The following ETNK2 variants were observed in gnomAD, a reference collection of about 807,000 sequenced individuals.
ETNK2 encodes the protein ethanolamine kinase-like protein.
Under a neutral mutation model 46.2 loss-of-function variants are expected in ETNK2, and 33 were observed. That is an observed-to-expected ratio of 0.71 (90% CI 0.54 to 0.96). The LOEUF is 0.96. Among genes scored for constraint, ETNK2 ranks in the 40% least tolerant of loss-of-function variants. ETNK2 has a pLI of 0.00. For missense variants in ETNK2, 445 were observed against 509.7 expected (o/e 0.87, Z 1.22); for synonymous variants, 194 against 209.0 (o/e 0.93, Z 0.62).
intron 1 of ETNK2, 32 bp from the exon 2 acceptor site, chr1:204,149,994 GT>G: frequency 1.1e-5 from 6 of 568,750 alleles, no homozygotes; most frequent in South Asian, 1.7e-5. Flanking sequence ...GCGTGGGTGG[GT>G]GGGTGGGGCA....
At position 204,151,544 on chromosome 1, in the gene ETNK2, C is replaced by A. The variant is rs1324590147; in HGVS notation, c.258+51G>T. On this transcript the variant is annotated intron_variant, in intron 1 of 7. Transcript: ENST00000367202. The surrounding 1 kb of genome is among the most constrained non-coding windows in gnomAD (Gnocchi z 8.0). ...TGCGAGGACTGGGTCCCCGCATCCC[C>A]CTGGCAGCCCTGGCAGGACCCCATC... The A allele has an allele frequency of 1.9e-6, 3 of 1,545,854 alleles. No individual in the cohort carries two copies. Among genetic ancestry groups the A allele is most frequent in the Non-Finnish European group, 2.6e-6 (3 of 1,145,358 alleles).
intron 5 of ETNK2, among the ~76,000 whole-genome samples, chr1:204,139,413 A>C (rs2102287167): frequency 1.3e-5 from 2 of 152,306 alleles, no homozygotes; most frequent in East Asian, 3.9e-4. Context: ...TAATTCATGT[A>C]CCAAGCTGAG....
At chr1:204,142,071 A>G (rs1657571944) in intron 3 of ETNK2, 2 of 154,394 alleles carry the variant, frequency 1.3e-5, no homozygotes, top group African/African-American at 4.8e-5. Context: ...TGTCACAGGT[A>G]GAAGGGATCA....
At chr1:204,150,302 G>C (rs1327013817) in intron 1 of ETNK2, among the ~76,000 whole-genome samples, 1 of 152,174 alleles carries the variant, frequency 6.6e-6, no homozygotes, top group Admixed American at 6.5e-5. Flanking sequence ...ACCCCAGTAC[G>C]GAAAGAAACA....
chr1:204,139,865 G>C (rs1657431834), intron 5 of ETNK2, among the ~76,000 whole-genome samples, 170 bp downstream of exon 5: 1 of 152,206 alleles, frequency 6.6e-6, no homozygotes, highest in African/African-American at 2.4e-5. Context: ...GTAACACAAT[G>C]CTAAGTATTT....
At chr1:204,141,568 G>C (rs1229178544) in intron 3 of ETNK2, 111 bp from the exon 4 acceptor site, 1 of 1,285,038 alleles carries the variant, frequency 7.8e-7, no homozygotes, top group Non-Finnish European at 1.1e-6. Flanking sequence ...ACTGCAGGGG[G>C]CCTTGGAAAA....
chr1:204,133,851 A>C (rs1217811879), intron 7 of ETNK2, among the ~76,000 whole-genome samples: 1 of 152,112 alleles, frequency 6.6e-6, no homozygotes. Flanking sequence ...CTTCATTTGC[A>C]TTTCTCTAAT....
At chr1:204,134,665 A>G in intron 6 of ETNK2, 77 bp from the exon 7 acceptor site, 1 of 1,613,826 alleles carries the variant, frequency 6.2e-7, no homozygotes, top group Admixed American at 1.7e-5. Flanking sequence ...GGAGGGATGC[A>G]GTCATTGTGG....
chr1:204,140,815 G>A (rs1571619407), intron 4 of ETNK2, among the ~76,000 whole-genome samples: 2 of 136,568 alleles, frequency 1.5e-5, no homozygotes, highest in African/African-American at 2.7e-5. Context: ...GAGCCACCGC[G>A]CCTGGCCAGA....
chr1:204,151,953 C>T lies in ETNK2; in HGVS notation c.-101G>A. 8.0e-7 allele frequency: 1 copy of T among 1,254,512 alleles called. No homozygotes were observed. Among genetic ancestry groups the T allele is most frequent in the Non-Finnish European group, 1.0e-6 (1 of 973,210 alleles). 77.7% of individuals were successfully genotyped at this position (1,254,512 alleles called of 1,614,324 possible). A position where few individuals can be genotyped will look rare whatever the true frequency, so the allele number is the denominator to read the frequency against. On this transcript the variant is annotated 5_prime_UTR_variant, in exon 1 of 8. The change abolishes an upstream ATG in the 5' untranslated region. Transcript: ENST00000367202. This position sits in a 1 kb window ranked among gnomAD's most constrained non-coding sequence, Gnocchi z 8.0. ...GGTAGAGGAGGGGCCAGGGGAAGTC[C>T]ATGACTCAGGCGCGAGCTGCCCGCT...
intron 3 of ETNK2, among the ~76,000 whole-genome samples, chr1:204,146,273 G>A (rs1406968295): frequency 6.6e-6 from 1 of 152,152 alleles, no homozygotes; most frequent in Non-Finnish European, 1.5e-5. Flanking sequence ...AAGAGCCCTG[G>A]GCTGGGAAAC....
At chr1:204,150,683 C>G (rs541678107) in intron 1 of ETNK2, 1 of 152,740 alleles carries the variant, frequency 6.5e-6, no homozygotes, top group Admixed American at 6.5e-5. Context: ...GCAGATAGCA[C>G]GTTAGATCAG....
chr1:204,138,438 C>A (rs1195462005), intron 5 of ETNK2, among the ~76,000 whole-genome samples: 2 of 152,180 alleles, frequency 1.3e-5, no homozygotes, highest in African/African-American at 4.8e-5. Flanking sequence ...AAGAATTATC[C>A]CTTGTGGAAA....
chr1:204,140,794 A>AT (rs757000308), intron 4 of ETNK2, among the ~76,000 whole-genome samples: 15 of 145,990 alleles, frequency 1.0e-4, no homozygotes, highest in Non-Finnish European at 2.1e-4. Flanking sequence ...AAGTGCTGGG[A>AT]TTACAGGCAT....
At chr1:204,143,310 C>T (rs1467298611) in intron 3 of ETNK2, among the ~76,000 whole-genome samples, 1 of 151,870 alleles carries the variant, frequency 6.6e-6, no homozygotes, top group Admixed American at 6.6e-5. Context: ...GCCTGAAAAA[C>T]ATGGCTCTGA....
At position 204,151,365 on chromosome 1, in the gene ETNK2, G is replaced by A. The variant is rs572810609; in HGVS notation, c.258+230C>T. 1.8e-5 allele frequency: 11 copies of A among 618,250 alleles called. No homozygotes were observed. In the East Asian group the frequency reaches 2.6e-4, roughly 15 times the overall value. The allele number at this position is 618,250 out of a possible 1,614,324, so 38.3% of individuals were successfully genotyped here. On this transcript the variant is annotated intron_variant, in intron 1 of 7. Transcript: ENST00000367202. This position sits in a 1 kb window ranked among gnomAD's most constrained non-coding sequence, Gnocchi z 8.0. ...GACAGTGGGCAGGTGGCCACCAGGC[G>A]TGCCTAAGAGCCCCGGGAGGAGGGG...
At chr1:204,145,421 C>A (rs923621352) in intron 3 of ETNK2, among the ~76,000 whole-genome samples, 4 of 152,210 alleles carry the variant, frequency 2.6e-5, no homozygotes, top group Non-Finnish European at 5.9e-5. Flanking sequence ...CCCTGGGCCT[C>A]GGTTTTCCAC....
At chr1:204,139,446 A>G (rs1304166998) in intron 5 of ETNK2, among the ~76,000 whole-genome samples, 1 of 152,216 alleles carries the variant, frequency 6.6e-6, no homozygotes, top group Non-Finnish European at 1.5e-5. Flanking sequence ...CATATGGGCT[A>G]GGAGAGGTCT....
intron 3 of ETNK2, among the ~76,000 whole-genome samples, chr1:204,145,052 A>C (rs1657727670): frequency 6.6e-6 from 1 of 152,202 alleles, no homozygotes; most frequent in African/African-American, 2.4e-5. Flanking sequence ...AGGATTGAAT[A>C]ATTCAGGGTT....
Sources: allele counts gnomAD v4.1 joint callset (sites outside exome capture counted in the v4.1 genomes callset), GRCh38; gene constraint gnomAD v4.1.1; non-coding constraint Gnocchi (gnomAD v3.1); transcripts MANE v1.5; gene names NCBI Gene and HGNC (gene_info 2026-07-23, HGNC 2026-07-21).